The following DNAH11 variants were observed in gnomAD, a reference collection of about 807,000 sequenced individuals.
DNAH11 encodes dynein axonemal heavy chain 11.
DNAH11 carries 442 observed loss-of-function variants against 526.0 expected under a neutral mutation model. The observed-to-expected ratio is 0.84, with a 90% CI of 0.78 to 0.91. The LOEUF (loss-of-function observed/expected upper bound fraction) is 0.91, where lower values mean the gene tolerates loss of function less well. Ranked by LOEUF, DNAH11 falls within the 40% of genes least tolerant of loss-of-function variation. DNAH11 has a pLI of 0.00. For missense variants in DNAH11, 6,989 were observed against 5,448.7 expected (o/e 1.28, Z -8.90); for synonymous variants, 2,461 against 1,935.9 (o/e 1.27, Z -7.12).
chr7:21,710,830 T>C (rs1784438400), intron 41 of DNAH11, 127 bp downstream of exon 41: 1 of 920,572 alleles, frequency 1.1e-6, no homozygotes, highest in Non-Finnish European at 1.5e-6. Flanking sequence ...ATTATTATTT[T>C]GATAAGTGTT....
chr7:21,779,535 G>C (rs1054371156), intron 57 of DNAH11, among the ~76,000 whole-genome samples: 3 of 152,154 alleles, frequency 2.0e-5, no homozygotes, highest in African/African-American at 7.2e-5. Context: ...TACAACTGGA[G>C]TTTATTATTA....
chr7:21,748,770 T>C (rs775301555), intron 52 of DNAH11, 28 bp downstream of exon 52: 46 of 1,595,040 alleles, frequency 2.9e-5, no homozygotes, highest in Non-Finnish European at 3.7e-5. Context: ...GCAGTTCTTC[T>C]GACCCTTCTG....
chr7:21,673,554 T>G (rs557646608), intron 30 of DNAH11, among the ~76,000 whole-genome samples: 22 of 152,272 alleles, frequency 1.4e-4, no homozygotes, highest in African/African-American at 5.3e-4. Context: ...AGAGCATTTC[T>G]CCATCTCTGC....
intron 58 of DNAH11, among the ~76,000 whole-genome samples, chr7:21,784,950 A>G (rs1788109613): frequency 1.3e-5 from 2 of 152,228 alleles, no homozygotes; most frequent in South Asian, 4.1e-4. Flanking sequence ...CCTCATGGAA[A>G]GAACAATGGG....
In DNAH11 at chr7:21,818,263, T is replaced by C; in HGVS notation, c.10615T>C (p.Leu3539=). ...TGCTTTGGCCTTTGGTGATGTCATC[T>C]TAATTGAAAATCTCGAGGAAACGAT... ...ETALAFGDVI[L]IENLEETIDP... The change falls in exon 65 of 82, where the codon TTA becomes CTA. Residue 3539 remains leucine, a synonymous_variant. Transcript: ENST00000409508. The C allele has an allele frequency of 6.2e-7, 1 of 1,612,444 alleles. No homozygotes were observed. The highest frequency in any genetic ancestry group is 1.1e-5 in the South Asian group (1 of 90,828).
intron 44 of DNAH11, among the ~76,000 whole-genome samples, chr7:21,721,438 C>T (rs1484131647): frequency 3.3e-5 from 5 of 152,100 alleles, no homozygotes; most frequent in Non-Finnish European, 7.4e-5. Context: ...TAGCTCAGAT[C>T]GCCATAACAA....
Position 21,894,605 on chromosome 7 carries a change from TTG to T in DNAH11, c.12751-14_12751-13del, listed in dbSNP as rs1215427066. The T allele has an allele frequency of 1.2e-6, 2 of 1,610,232 alleles. No homozygotes were observed. Among genetic ancestry groups the T allele is most frequent in the South Asian group, 2.2e-5 (2 of 90,124 alleles). On this transcript the variant is annotated splice_polypyrimidine_tract_variant and intron_variant, in intron 77 of 81. Transcript: ENST00000409508. ...ACTGAAATAGAAAGGAGCTAAATCT[TTG>T]TGTTACTGATTTAAGGTTAAGAATG...
chr7:21,820,335 G>T (rs1220610442), intron 65 of DNAH11, among the ~76,000 whole-genome samples: 1 of 152,196 alleles, frequency 6.6e-6, no homozygotes, highest in Non-Finnish European at 1.5e-5. Context: ...AGAACCGTTG[G>T]TGTGGTGATA....
At chr7:21,646,194 A>G (rs2128462331) in intron 28 of DNAH11, among the ~76,000 whole-genome samples, 1 of 152,336 alleles carries the variant, frequency 6.6e-6, no homozygotes, top group South Asian at 2.1e-4. Flanking sequence ...TTCAGAAGTC[A>G]TCAGGGAAAT....
chr7:21,657,373 T>A, intron 29 of DNAH11, among the ~76,000 whole-genome samples: 1 of 152,054 alleles, frequency 6.6e-6, no homozygotes, highest in East Asian at 1.9e-4. Context: ...AGGTAGCAAT[T>A]GTTGTTATAG....
At chr7:21,739,973 G>C (rs1340290099) in intron 48 of DNAH11, among the ~76,000 whole-genome samples, 2 of 152,062 alleles carry the variant, frequency 1.3e-5, no homozygotes, top group Non-Finnish European at 2.9e-5. Context: ...TAGTTACAAT[G>C]ATCAGCCAAT....
intron 51 of DNAH11, 78 bp downstream of exon 51, chr7:21,745,141 C>T: frequency 3.6e-6 from 5 of 1,405,482 alleles, no homozygotes; most frequent in Non-Finnish European, 3.9e-6. Flanking sequence ...TTCAATAGAT[C>T]ATACTAAGCA....
In DNAH11 at chr7:21,635,860, C is replaced by CT. The variant is rs772682528; in HGVS notation, c.4501-8dup. 1.8e-5 allele frequency: 29 copies of CT among 1,594,340 alleles called. No homozygotes were observed. The highest frequency in any genetic ancestry group is 2.3e-5 in the Non-Finnish European group (27 of 1,169,404). ...TTAGCTACTATTTAAAATTCTTTGC[C>CT]TTTATTTTAGGTTCAGTTGCAGACT... On this transcript the variant is annotated splice_polypyrimidine_tract_variant and intron_variant, in intron 25 of 81. Transcript: ENST00000409508.
chr7:21,717,668 C>T, intron 42 of DNAH11, 107 bp from the exon 43 acceptor site: 1 of 1,327,124 alleles, frequency 7.5e-7, no homozygotes, highest in Non-Finnish European at 1.0e-6. Context: ...TAAACGTGTC[C>T]TTGAAGTGTT....
chr7:21,765,788 TC>T (rs558895113), intron 55 of DNAH11, among the ~76,000 whole-genome samples, 199 bp downstream of exon 55: 176 of 152,308 alleles, frequency 1.2e-3, no homozygotes, highest in African/African-American at 4.0e-3. Context: ...TGACCTTTTT[TC>T]CACCATACAT....
chr7:21,859,255 A>T (rs1782966594), intron 68 of DNAH11, among the ~76,000 whole-genome samples: 1 of 152,152 alleles, frequency 6.6e-6, no homozygotes, highest in African/African-American at 2.4e-5. Flanking sequence ...CTGGGACTAC[A>T]GGCACCCACC....
At chr7:21,881,134 CAAAA>C (rs1783910507) in intron 75 of DNAH11, among the ~76,000 whole-genome samples, 1 of 151,190 alleles carries the variant, frequency 6.6e-6, no homozygotes, top group Non-Finnish European at 1.5e-5. Context: ...TAAAAAAAAA[CAAAA>C]AATGTCCTTC....
intron 20 of DNAH11, among the ~76,000 whole-genome samples, chr7:21,614,670 T>G (rs1037285999): frequency 1.3e-5 from 2 of 152,210 alleles, no homozygotes; most frequent in African/African-American, 4.8e-5. Context: ...TTGAGTGCAT[T>G]TGATATTATT....
intron 45 of DNAH11, among the ~76,000 whole-genome samples, chr7:21,730,523 A>G (rs1785333044): frequency 6.6e-6 from 1 of 152,250 alleles, no homozygotes. Flanking sequence ...GCCTTTAACA[A>G]GAAGGAAATC....
Sources: allele counts gnomAD v4.1 joint callset (sites outside exome capture counted in the v4.1 genomes callset), GRCh38; gene constraint gnomAD v4.1.1; transcripts MANE v1.5; gene names NCBI Gene and HGNC (gene_info 2026-07-23, HGNC 2026-07-21).